ABHD6: variants seen among roughly 807,000 people sequenced by gnomAD.
ABHD6 encodes the protein monoacylglycerol lipase ABHD6.
In ABHD6, 33 loss-of-function variants were observed where a neutral mutation model predicts 38.8. The observed-to-expected ratio is 0.85, with a 90% CI of 0.64 to 1.14. The LOEUF (loss-of-function observed/expected upper bound fraction) is 1.14, where lower values mean the gene tolerates loss of function less well. Ranked by LOEUF, ABHD6 falls within the 50% of genes most tolerant of loss-of-function variation. The pLI, the probability that ABHD6 is intolerant of heterozygous loss-of-function variation, is 0.00. For missense variants in ABHD6, 380 were observed against 422.6 expected (o/e 0.90, Z 0.88); for synonymous variants, 147 against 161.6 (o/e 0.91, Z 0.69).
chr3:58,289,447 T>C (rs2097459906), intron 9 of ABHD6, among the ~76,000 whole-genome samples: 1 of 149,422 alleles, frequency 6.7e-6, no homozygotes, highest in Non-Finnish European at 1.5e-5. Flanking sequence ...TTAACGAGCA[T>C]GCTGCCTTCA....
chr3:58,286,844 G>GTATTCATATATATATATA (rs1553721712), intron 9 of ABHD6, among the ~76,000 whole-genome samples: 1 of 50,048 alleles, frequency 2.0e-5, no homozygotes, highest in Non-Finnish European at 3.7e-5. Context: ...GTGTGTGTGT[G>GTATTCATATATATATATA]TGTGTGTGTA....
At position 58,267,490 on chromosome 3, in the gene ABHD6, C is replaced by A. The variant is rs1228797756; in HGVS notation, c.276+145C>A. The A allele has an allele frequency of 2.8e-6, 3 of 1,073,962 alleles. No individual in the cohort carries two copies. The highest frequency in any genetic ancestry group is 1.4e-5 in the South Asian group (1 of 69,204). 66.5% of individuals were successfully genotyped at this position (1,073,962 alleles called of 1,614,324 possible). ...AACCAGCCTGGACAACATAAAGAAA[C>A]CCTGTCTCTACAAAAAATTAAAAAA... is the stretch of plus-strand genomic sequence containing the variant. On this transcript the variant is annotated intron_variant, in intron 4 of 9. Transcript: ENST00000478253. The surrounding 1 kb of genome is among the most constrained non-coding windows in gnomAD (Gnocchi z 4.3).
intron 3 of ABHD6, chr3:58,258,356 A>C (rs1478544430): frequency 2.3e-6 from 1 of 440,100 alleles, no homozygotes; most frequent in Non-Finnish European, 4.6e-6. Flanking sequence ...ACACAGTGAC[A>C]TTAAACAGTC....
intron 2 of ABHD6, among the ~76,000 whole-genome samples, chr3:58,250,704 G>C (rs1210267066): frequency 6.6e-6 from 1 of 152,026 alleles, no homozygotes; most frequent in Admixed American, 6.6e-5. Flanking sequence ...ACTGGGATTG[G>C]GTTTTTAGGT....
At chr3:58,286,396 T>C (rs1277310002) in intron 9 of ABHD6, among the ~76,000 whole-genome samples, 1 of 152,096 alleles carries the variant, frequency 6.6e-6, no homozygotes, top group Non-Finnish European at 1.5e-5. Flanking sequence ...CTTCAAGCAG[T>C]CCACCTTCCT....
At chr3:58,253,092 A>G (rs1327481015) in intron 2 of ABHD6, among the ~76,000 whole-genome samples, 3 of 152,216 alleles carry the variant, frequency 2.0e-5, no homozygotes, top group Non-Finnish European at 4.4e-5. Context: ...CTGCTGTTAA[A>G]TAGAAGATGG....
At position 58,285,328 on chromosome 3, in the gene ABHD6, C is replaced by T. The variant is rs1488682872; in HGVS notation, c.737-25C>T. 6.2e-7 allele frequency: 1 copy of T among 1,608,730 alleles called. No individual in the cohort carries two copies. The highest frequency in any genetic ancestry group is 8.5e-7 in the Non-Finnish European group (1 of 1,175,076). The stretch of plus-strand genomic sequence containing the variant: ...CCACAGGCACAGTCCAGCACATACT[C>T]ACTTTGTTTTCCTTTTCTGACAAGT... On this transcript the variant is annotated intron_variant, in intron 8 of 9. Transcript: ENST00000478253. The surrounding 1 kb of genome is among the most constrained non-coding windows in gnomAD (Gnocchi z 4.9).
chr3:58,243,394 A>G (rs917824952), intron 1 of ABHD6, among the ~76,000 whole-genome samples: 2 of 152,182 alleles, frequency 1.3e-5, no homozygotes, highest in African/African-American at 4.8e-5. Context: ...AGAAGTGTTC[A>G]TACCAAATAC....
At position 58,269,398 on chromosome 3, in the gene ABHD6, C is replaced by A; in HGVS notation, c.354C>A (p.Asp118Glu). The A allele has an allele frequency of 6.2e-7, 1 of 1,613,914 alleles. No homozygotes were observed. Among genetic ancestry groups the A allele is most frequent in the Non-Finnish European group, 8.5e-7 (1 of 1,179,872 alleles). Residue 118 changes from aspartate (D) to glutamate (E), a missense_variant, in exon 5 of 10, where the codon GAC becomes GAA. Transcript: ENST00000478253. This position sits in a 1 kb window ranked among gnomAD's most constrained non-coding sequence, Gnocchi z 4.4. ...HEGTTRSSLDDLSIDGQVKRI... is the reference protein window; with the variant it reads ...HEGTTRSSLDELSIDGQVKRI... ...GCACCACCCGCTCCTCCCTGGATGA[C>A]CTGTCCATAGATGGGCAAGTTAAGA...
Position 58,280,418 on chromosome 3 carries a change from G to A in ABHD6, c.682-4667G>A, listed in dbSNP as rs144823001. Among the ~76,000 whole-genome samples, 1,433 of 152,042 alleles carry A rather than the reference G, an allele frequency of 9.4e-3. 24 individuals are homozygous for A. The highest frequency in any genetic ancestry group is 0.033 in the African/African-American group (1,363 of 41,482). ...CTTGTGCATGCATCATGAAGTTCTC[G>A]TGCCATGGTTTTCAGCTCCATCGGG... On this transcript the variant is annotated intron_variant, in intron 7 of 9. Transcript: ENST00000478253.
In ABHD6 at chr3:58,293,785, A is replaced by G. The variant is rs1559787319; in HGVS notation, c.*20A>G. On this transcript the variant is annotated 3_prime_UTR_variant, in exon 10 of 10. Transcript: ENST00000478253. The surrounding 1 kb of genome is among the most constrained non-coding windows in gnomAD (Gnocchi z 4.4). ...GACTGAGGCCCCGACTGCAGCCTGC[A>G]TTCTGCACACAGCATCTGCTCCCAT... The G allele has an allele frequency of 1.2e-6, 2 of 1,611,210 alleles. No homozygotes were observed. The highest frequency in any genetic ancestry group is 1.1e-5 in the South Asian group (1 of 90,964).
chr3:58,246,036 A>G (rs2097426155), intron 1 of ABHD6, among the ~76,000 whole-genome samples: 1 of 152,186 alleles, frequency 6.6e-6, no homozygotes, highest in Admixed American at 6.5e-5. Flanking sequence ...TGCTCTTTCT[A>G]GCACTTCACC....
intron 7 of ABHD6, among the ~76,000 whole-genome samples, chr3:58,282,456 G>T (rs944529818): frequency 2.0e-4 from 30 of 152,176 alleles, no homozygotes; most frequent in African/African-American, 7.2e-4. Context: ...TCCTGGCTGG[G>T]CATGGTGGCT....
rs182106234 is a variant in ABHD6, at chr3:58,285,648, C to G, written c.837+195C>G. The stretch of plus-strand genomic sequence containing the variant: ...GGAGTGGAGAGAAACAACATTTGGT[C>G]TGGTAAAAGGAAAGACAATTTTAAA... On this transcript the variant is annotated intron_variant, in intron 9 of 9. Transcript: ENST00000478253. This position sits in a 1 kb window ranked among gnomAD's most constrained non-coding sequence, Gnocchi z 4.9. Among the ~76,000 whole-genome samples, 79 of 152,218 alleles carry G rather than the reference C, an allele frequency of 5.2e-4. No individual in the cohort carries two copies. Among genetic ancestry groups the G allele is most frequent in the Admixed American group, 9.2e-4 (14 of 15,292 alleles).
Position 58,273,948 on chromosome 3 carries a change from C to G in ABHD6, c.524-710C>G, listed in dbSNP as rs189160303. ...TAAATGCCTAGAAATTTGCTCCATG[C>G]TGGAAGTGAAAATTAGTTTTGCCCT... On this transcript the variant is annotated intron_variant, in intron 6 of 9. Coordinates refer to ENST00000478253, the MANE Select transcript of ABHD6 (RefSeq NM_001320126.2). The surrounding 1 kb of genome is among the most constrained non-coding windows in gnomAD (Gnocchi z 4.8). Among the ~76,000 whole-genome samples the G allele has an allele frequency of 3.3e-4, 50 of 152,268 alleles. No individual in the cohort carries two copies. The highest frequency in any genetic ancestry group is 1.1e-3 in the African/African-American group (47 of 41,556).
chr3:58,281,348 C>G (rs1002913300), intron 7 of ABHD6, among the ~76,000 whole-genome samples: 1 of 152,222 alleles, frequency 6.6e-6, no homozygotes, highest in African/African-American at 2.4e-5. Context: ...AGTTCAATCT[C>G]AGACTGCTGT....
chr3:58,286,850 G>GTATATATATATATATATATATATATA (rs1221165191), intron 9 of ABHD6, among the ~76,000 whole-genome samples: 20 of 72,836 alleles, frequency 2.7e-4, no homozygotes, highest in Admixed American at 6.9e-4. Context: ...GTGTGTGTGT[G>GTATATATATATATATATATATATATA]TGTATATATA....
Position 58,285,154 on chromosome 3 carries a change from TTTCAGC to T in ABHD6, c.736+18_736+23del. On this transcript the variant is annotated intron_variant, in intron 8 of 9. Coordinates refer to ENST00000478253, the MANE Select transcript of ABHD6 (RefSeq NM_001320126.2). This position sits in a 1 kb window ranked among gnomAD's most constrained non-coding sequence, Gnocchi z 4.9. ...CTACCGAAAGTGTAAGTAGCCCTAC[TTTCAGC>T]TTGGAGCTTGTTACAAGTGAAGCTC... The T allele has an allele frequency of 6.2e-7, 1 of 1,613,334 alleles. No individual in the cohort carries two copies. Among genetic ancestry groups the T allele is most frequent in the South Asian group, 1.1e-5 (1 of 91,074 alleles).
At chr3:58,255,000 G>A (rs556124864) in intron 2 of ABHD6, among the ~76,000 whole-genome samples, 5 of 152,030 alleles carry the variant, frequency 3.3e-5, no homozygotes, top group African/African-American at 9.6e-5. Context: ...TTACAGGCAT[G>A]GGCCACGGAA....
Sources: allele counts gnomAD v4.1 joint callset (sites outside exome capture counted in the v4.1 genomes callset), GRCh38; gene constraint gnomAD v4.1.1; non-coding constraint Gnocchi (gnomAD v3.1); transcripts MANE v1.5; gene names NCBI Gene and HGNC (gene_info 2026-07-23, HGNC 2026-07-21).